The following SLIT3 variants were observed in gnomAD, a reference collection of about 807,000 sequenced individuals.
SLIT3 encodes the protein slit guidance ligand 3.
SLIT3 carries 68 observed loss-of-function variants against 184.0 expected under a neutral mutation model. The ratio of observed to expected loss-of-function variants is 0.37; its 90% CI spans 0.30 to 0.45. SLIT3 has a LOEUF of 0.45. SLIT3 is among the 20% of genes least tolerant of loss of function. The pLI is 1.00. For missense variants in SLIT3, 1,707 were observed against 2,026.0 expected (o/e 0.84, Z 3.02); for synonymous variants, 831 against 828.6 (o/e 1.00, Z -0.05).
intron 4 of SLIT3, among the ~76,000 whole-genome samples, chr5:168,893,709 C>A (rs1030386784): frequency 6.6e-6 from 1 of 151,972 alleles, no homozygotes; most frequent in African/African-American, 2.4e-5. Flanking sequence ...GAGATGAAAT[C>A]TTGTGAGTGA....
At position 168,665,752 on chromosome 5, in the gene SLIT3, C is replaced by G. The variant is rs1393697200; in HGVS notation, c.*702G>C. ...GCCACCCAGGAAGGAGAAGAGGGGTCCCCCAGTGGGTTCAGATACCCTGAA... is the reference window on the plus strand; with the variant it reads ...GCCACCCAGGAAGGAGAAGAGGGGTGCCCCAGTGGGTTCAGATACCCTGAA... On this transcript the variant is annotated 3_prime_UTR_variant, in exon 36 of 36. Coordinates refer to ENST00000519560, the MANE Select transcript of SLIT3 (RefSeq NM_003062.4). 1.3e-5 allele frequency: 2 copies of G among 151,008 alleles called. No individual in the cohort carries two copies. The highest frequency in any genetic ancestry group is 4.9e-5 in the African/African-American group (2 of 40,406). 9.4% of individuals were successfully genotyped at this position (151,008 alleles called of 1,614,324 possible). A position where few individuals can be genotyped will look rare whatever the true frequency, so the allele number is the denominator to read the frequency against.
At position 169,115,597 on chromosome 5, in the gene SLIT3, G is replaced by A. The variant is rs182017694; in HGVS notation, c.413+77882C>T. On this transcript the variant is annotated intron_variant, in intron 4 of 35. Transcript: ENST00000519560. ...AGGCAATGTCCAGCCCCTCAGAAAG[G>A]CCCAGGATCCTGTTACCAGAATTCC... is the stretch of plus-strand genomic sequence containing the variant. 2.0e-5 allele frequency among the ~76,000 whole-genome samples: 3 copies of A among 152,224 alleles called. No homozygotes were observed. In the East Asian group the frequency reaches 5.8e-4, roughly 29 times the overall value.
intron 4 of SLIT3, among the ~76,000 whole-genome samples, chr5:169,084,495 A>G: frequency 7.5e-6 from 1 of 133,688 alleles, no homozygotes; most frequent in Non-Finnish European, 1.6e-5. Context: ...GGTATTTAGT[A>G]GAGACGGGGT....
rs538619421 is a variant in SLIT3, at chr5:169,095,829, T to C, written c.413+97650A>G. ...CCCCACCACAGAAGTCTAGCAGAAT[T>C]ACACCCATTCTTCAACCTTCTGCCC... On this transcript the variant is annotated intron_variant, in intron 4 of 35. Transcript: ENST00000519560. Among the ~76,000 whole-genome samples, 59 of 152,344 alleles carry C rather than the reference T, an allele frequency of 3.9e-4. No homozygotes were observed. The South Asian group carries it at 0.011, about 28-fold the overall frequency.
intron 29 of SLIT3, among the ~76,000 whole-genome samples, chr5:168,691,295 A>G (rs1041783113): frequency 3.3e-5 from 5 of 152,212 alleles, no homozygotes; most frequent in Non-Finnish European, 5.9e-5. Context: ...AGAGCTTACA[A>G]GTTCAAGTTT....
intron 12 of SLIT3, among the ~76,000 whole-genome samples, chr5:168,775,257 C>T (rs755639883): frequency 1.3e-5 from 2 of 152,050 alleles, no homozygotes; most frequent in Non-Finnish European, 2.9e-5. Flanking sequence ...AGGCTGGTCT[C>T]GAACTCCTGA....
At chr5:169,122,411 G>A (rs1187196618) in intron 4 of SLIT3, among the ~76,000 whole-genome samples, 1 of 152,190 alleles carries the variant, frequency 6.6e-6, no homozygotes, top group Non-Finnish European at 1.5e-5. Flanking sequence ...TGTGCATCAA[G>A]GCCCTGAGCT....
At position 168,753,717 on chromosome 5, in the gene SLIT3, T is replaced by C. The variant is rs900325307; in HGVS notation, c.1829+147A>G. 6 of 911,592 alleles carry C rather than the reference T, an allele frequency of 6.6e-6. No homozygotes were observed. The South Asian group carries it at 6.7e-5, about 10-fold the overall frequency. The allele number at this position is 911,592 out of a possible 1,614,324, so 56.5% of individuals were successfully genotyped here. On this transcript the variant is annotated intron_variant, in intron 17 of 35. Coordinates refer to ENST00000519560, the MANE Select transcript of SLIT3 (RefSeq NM_003062.4). ...TTCTTTCCCATCCAAGGCTCCAGAATGTCTGATGACTCTGACTCCAGGAAG... is the reference window on the plus strand; with the variant it reads ...TTCTTTCCCATCCAAGGCTCCAGAACGTCTGATGACTCTGACTCCAGGAAG...
At chr5:168,968,229 CT>C (rs1178044250) in intron 4 of SLIT3, among the ~76,000 whole-genome samples, 1 of 152,202 alleles carries the variant, frequency 6.6e-6, no homozygotes, top group African/African-American at 2.4e-5. Context: ...TAGCGCCCCC[CT>C]CTCCTCCCAT....
intron 4 of SLIT3, among the ~76,000 whole-genome samples, chr5:169,096,035 A>G (rs1759766413): frequency 6.6e-6 from 1 of 152,224 alleles, no homozygotes; most frequent in African/African-American, 2.4e-5. Flanking sequence ...TTATCTGTCC[A>G]TTGCATATTT....
intron 4 of SLIT3, among the ~76,000 whole-genome samples, chr5:169,053,904 A>G (rs1283213861): frequency 6.6e-6 from 1 of 152,042 alleles, no homozygotes; most frequent in African/African-American, 2.4e-5. Flanking sequence ...CCTGGCCAAC[A>G]TGGTGAAACC....
chr5:168,673,198 T>G lies in SLIT3; in HGVS notation c.3820A>C (p.Asn1274His). The change falls in exon 33 of 36, where the codon AAC becomes CAC. Residue 1274 changes from asparagine to histidine, a missense_variant. Transcript: ENST00000519560. ...TTACCTCCAAGGTAGAGGGGGCTGT[T>G]GATGCCCACTGCTGGCTGCTTCTGG... is the stretch of plus-strand genomic sequence containing the variant. ...KLQKQPAVGI[N>H]SPLYLGGIPT... The G allele has an allele frequency of 6.2e-7, 1 of 1,613,762 alleles. No homozygotes were observed.
intron 3 of SLIT3, among the ~76,000 whole-genome samples, chr5:169,233,597 A>G (rs1043052975): frequency 3.3e-5 from 5 of 152,220 alleles, no homozygotes; most frequent in Non-Finnish European, 7.3e-5. Context: ...ACGTTTACCT[A>G]TGTAACAAAC....
In SLIT3 at chr5:168,671,627, G is replaced by A. The variant is rs766719718; in HGVS notation, c.3842-144C>T. 6.6e-5 allele frequency: 57 copies of A among 865,560 alleles called. No homozygotes were observed. The Middle Eastern group carries it at 1.1e-3, about 16-fold the overall frequency. The allele number at this position is 865,560 out of a possible 1,614,324, so 53.6% of individuals were successfully genotyped here. A position where few individuals can be genotyped will look rare whatever the true frequency, so the allele number is the denominator to read the frequency against. ...AACGAGGTTAACGGGCCAAAACCTC[G>A]GACCTCCTCCATACAGGGACGTGCA... On this transcript the variant is annotated intron_variant, in intron 33 of 35. Transcript: ENST00000519560.
intron 3 of SLIT3, among the ~76,000 whole-genome samples, chr5:169,238,922 C>T (rs896670191): frequency 6.6e-6 from 1 of 152,100 alleles, no homozygotes. Context: ...CTGTATTTTC[C>T]AATGAGTAGA....
At chr5:168,914,493 C>T (rs543784474) in intron 4 of SLIT3, among the ~76,000 whole-genome samples, 2 of 152,308 alleles carry the variant, frequency 1.3e-5, no homozygotes, top group South Asian at 2.1e-4. Context: ...CCACTAGCTG[C>T]TGCTGCCGTT....
At chr5:168,678,673 A>G (rs1016715552) in intron 32 of SLIT3, among the ~76,000 whole-genome samples, 1 of 152,010 alleles carries the variant, frequency 6.6e-6, no homozygotes, top group Non-Finnish European at 1.5e-5. Context: ...ACAGAGTGAG[A>G]CTCTGTCTCA....
At chr5:169,296,986 C>T (rs777442282) in intron 1 of SLIT3, among the ~76,000 whole-genome samples, 87 of 152,286 alleles carry the variant, frequency 5.7e-4, no homozygotes, top group Non-Finnish European at 1.1e-3. Flanking sequence ...TTTCATCTGC[C>T]TCCTCTTTTT....
intron 3 of SLIT3, among the ~76,000 whole-genome samples, chr5:169,216,165 A>G (rs1448927125): frequency 6.6e-6 from 1 of 152,040 alleles, no homozygotes; most frequent in Non-Finnish European, 1.5e-5. Flanking sequence ...GCCTGAATCC[A>G]TGCCTCCCAC....
Sources: gnomAD v4.1 joint callset for allele counts (sites outside exome capture counted in the v4.1 genomes callset) on GRCh38, gnomAD v4.1.1 for gene constraint, MANE v1.5 for transcripts, NCBI Gene and HGNC (gene_info 2026-07-23, HGNC 2026-07-21) for gene names.